CCDC7: variants seen among roughly 807,000 people sequenced by gnomAD.
The protein encoded by CCDC7 is coiled-coil domain-containing protein 7.
A neutral mutation model predicts 196.9 loss-of-function variants in CCDC7; 183 were observed. The observed-to-expected ratio is 0.93, with a 90% CI of 0.82 to 1.05. The LOEUF (loss-of-function observed/expected upper bound fraction) is 1.05, where lower values mean the gene tolerates loss of function less well. Among genes scored for constraint, CCDC7 ranks in the 50% least tolerant of loss-of-function variants. The probability of loss-of-function intolerance (pLI) is 0.00; values close to 1 mark genes in which losing one functional copy is unlikely to be tolerated. For missense variants in CCDC7, 1,540 were observed against 1,482.2 expected (o/e 1.04, Z -0.64); for synonymous variants, 525 against 484.6 (o/e 1.08, Z -1.10).
intron 13 of CCDC7, among the ~76,000 whole-genome samples, chr10:32,550,263 T>C (rs2053247141): frequency 6.6e-6 from 1 of 152,182 alleles, no homozygotes; most frequent in Admixed American, 6.5e-5. Flanking sequence ...ATTAATCTTG[T>C]ATCCAGAAAC....
intron 18 of CCDC7, among the ~76,000 whole-genome samples, chr10:32,600,811 T>G (rs941120814): frequency 2.0e-5 from 3 of 152,202 alleles, no homozygotes; most frequent in Non-Finnish European, 4.4e-5. Context: ...ATAGTTATCT[T>G]TACCAGGAAA....
chr10:32,870,847 G>C (rs925349791), intron 41 of CCDC7, among the ~76,000 whole-genome samples: 1 of 152,100 alleles, frequency 6.6e-6, no homozygotes, highest in Non-Finnish European at 1.5e-5. Flanking sequence ...CATCTATTGA[G>C]ATTATCATAT....
intron 20 of CCDC7, among the ~76,000 whole-genome samples, chr10:32,641,953 G>T (rs1257889734): frequency 6.6e-6 from 1 of 152,198 alleles, no homozygotes; most frequent in African/African-American, 2.4e-5. Context: ...AGCAGCAGAG[G>T]CTGCAGAACA....
At chr10:32,714,994 G>C (rs2081367825) in intron 25 of CCDC7, among the ~76,000 whole-genome samples, 1 of 152,230 alleles carries the variant, frequency 6.6e-6, no homozygotes, top group Non-Finnish European at 1.5e-5. Flanking sequence ...AAATGTTCCT[G>C]ACTGCTGGCT....
At chr10:32,650,508 G>T (rs2068556627) in intron 20 of CCDC7, among the ~76,000 whole-genome samples, 1 of 152,190 alleles carries the variant, frequency 6.6e-6, no homozygotes, top group Non-Finnish European at 1.5e-5. Flanking sequence ...TGGTGATGGT[G>T]GTTAGATCTT....
intron 24 of CCDC7, among the ~76,000 whole-genome samples, chr10:32,707,143 C>T (rs770287037): frequency 2.6e-5 from 4 of 152,168 alleles, no homozygotes; most frequent in Non-Finnish European, 5.9e-5. Context: ...GGCTTCATCC[C>T]TGGAATGCAA....
At chr10:32,567,143 A>G (rs1041827327) in intron 14 of CCDC7, among the ~76,000 whole-genome samples, 1 of 147,410 alleles carries the variant, frequency 6.8e-6, no homozygotes, top group African/African-American at 2.5e-5. Context: ...TGTTAATAGT[A>G]ATTTTTCTTT....
chr10:32,461,571 A>G (rs1045680274), intron 3 of CCDC7, among the ~76,000 whole-genome samples: 59 of 151,492 alleles, frequency 3.9e-4, no homozygotes, highest in African/African-American at 1.3e-3. Context: ...TTTAGCAGGA[A>G]CAGAGTTGTA....
chr10:32,757,787 C>A (rs543455881), intron 28 of CCDC7, among the ~76,000 whole-genome samples: 1 of 152,248 alleles, frequency 6.6e-6, no homozygotes, highest in East Asian at 1.9e-4. Context: ...ACAGAAAAAA[C>A]CCTTCAAAAA....
At chr10:32,568,641 T>A (rs16933496) in intron 15 of CCDC7, among the ~76,000 whole-genome samples, 12,563 of 152,254 alleles carry the variant, frequency 0.083, 564 homozygotes, top group East Asian at 0.16. Context: ...TCAGCTGCTT[T>A]AAGACAAAGA....
intron 20 of CCDC7, among the ~76,000 whole-genome samples, chr10:32,655,228 G>C (rs73257500): frequency 7.9e-5 from 12 of 152,182 alleles, no homozygotes; most frequent in African/African-American, 2.9e-4. Flanking sequence ...GGGTTACCAA[G>C]GACCTAGAGT....
At chr10:32,605,515 G>T (rs1038757110) in intron 18 of CCDC7, among the ~76,000 whole-genome samples, 2 of 152,232 alleles carry the variant, frequency 1.3e-5, no homozygotes, top group Non-Finnish European at 2.9e-5. Flanking sequence ...CGAAAATGCT[G>T]ATGGTGATAT....
intron 18 of CCDC7, among the ~76,000 whole-genome samples, chr10:32,611,585 G>C (rs922985278): frequency 6.6e-6 from 1 of 152,098 alleles, no homozygotes; most frequent in Non-Finnish European, 1.5e-5. Context: ...TCCATCTTGA[G>C]TTAATTTTTG....
At chr10:32,486,464 G>A (rs1362392544) in intron 8 of CCDC7, among the ~76,000 whole-genome samples, 2 of 150,748 alleles carry the variant, frequency 1.3e-5, no homozygotes, top group African/African-American at 4.9e-5. Flanking sequence ...TTGCCAGTCT[G>A]TGTCTTTTAA....
At position 32,720,219 on chromosome 10, in the gene CCDC7, A is replaced by G. The variant is rs182881047; in HGVS notation, c.2570-6515A>G. ...ATGGAATACTATGCAGCCATAAAAA[A>G]GGATGAGTTCATGTCCTTTGCAGGG... On this transcript the variant is annotated intron_variant, in intron 25 of 41. Transcript: ENST00000639629. Among the ~76,000 whole-genome samples the G allele has an allele frequency of 3.4e-3, 516 of 152,298 alleles. 3 individuals are homozygous for G. Among genetic ancestry groups the G allele is most frequent in the Non-Finnish European group, 4.4e-3 (300 of 68,030 alleles).
At chr10:32,609,012 G>A (rs969450284) in intron 18 of CCDC7, among the ~76,000 whole-genome samples, 33 of 152,322 alleles carry the variant, frequency 2.2e-4, no homozygotes, top group African/African-American at 7.7e-4. Flanking sequence ...AATTTGATGA[G>A]GCTGGTTTTG....
intron 28 of CCDC7, among the ~76,000 whole-genome samples, chr10:32,730,722 G>T (rs1392150838): frequency 6.8e-6 from 1 of 147,822 alleles, no homozygotes; most frequent in Non-Finnish European, 1.5e-5. Flanking sequence ...GAATCTGGAG[G>T]TTCCACCATA....
At chr10:32,485,960 G>A (rs562841345) in intron 8 of CCDC7, among the ~76,000 whole-genome samples, 12 of 152,146 alleles carry the variant, frequency 7.9e-5, no homozygotes, top group African/African-American at 2.9e-4. Context: ...GTGCTGAGAA[G>A]ATTGTATATT....
chr10:32,678,354 A>G (rs1395954015), intron 21 of CCDC7, among the ~76,000 whole-genome samples: 1 of 152,098 alleles, frequency 6.6e-6, no homozygotes, highest in Non-Finnish European at 1.5e-5. Flanking sequence ...ACGTGCATTT[A>G]AAGAAGCATC....
Sources: gnomAD v4.1 joint callset for allele counts (sites outside exome capture counted in the v4.1 genomes callset) on GRCh38, gnomAD v4.1.1 for gene constraint, MANE v1.5 for transcripts, NCBI Gene and HGNC (gene_info 2026-07-23, HGNC 2026-07-21) for gene names.